Variants in GALNT10 observed in about 807,000 individuals in gnomAD.
The protein encoded by GALNT10 is GalNAc transferase 10.
Under a neutral mutation model 75.0 loss-of-function variants are expected in GALNT10, and 41 were observed. The observed-to-expected ratio is 0.55, with a 90% confidence interval of 0.43 to 0.71. The LOEUF (loss-of-function observed/expected upper bound fraction) is 0.71. GALNT10 is among the 30% of genes least tolerant of loss of function. The pLI, the probability that GALNT10 is intolerant of heterozygous loss-of-function variation, is 0.00. For synonymous variants in GALNT10, 302 were observed against 313.0 expected (o/e 0.96, Z 0.37); for missense variants, 727 against 818.5 (o/e 0.89, Z 1.36).
In GALNT10 at chr5:154,418,127, G is replaced by A. The variant is rs1756552927; in HGVS notation, c.*1155G>A. 1 of 152,274 alleles carries A rather than the reference G, an allele frequency of 6.6e-6. No individual in the cohort carries two copies. The highest frequency in any genetic ancestry group is 2.1e-4 in the South Asian group (1 of 4,838). 9.4% of individuals were successfully genotyped at this position (152,274 alleles called of 1,614,324 possible). A position where few individuals can be genotyped will look rare whatever the true frequency, so the allele number is the denominator to read the frequency against. On this transcript the variant is annotated 3_prime_UTR_variant, in exon 12 of 12. Coordinates refer to ENST00000297107, the MANE Select transcript of GALNT10 (RefSeq NM_198321.4). ...AAAGGAGCCAGCCAGGTGTAATACA[G>A]TCAAGGCAGCCCCCAGCCTAGAGAC...
At chr5:154,321,286 G>A (rs897415932) in intron 3 of GALNT10, among the ~76,000 whole-genome samples, 1 of 150,602 alleles carries the variant, frequency 6.6e-6, no homozygotes, top group South Asian at 2.1e-4. Flanking sequence ...ATTGCCCTGA[G>A]ATGTCACAAG....
At chr5:154,255,372 G>A (rs2034580) in intron 1 of GALNT10, among the ~76,000 whole-genome samples, 99,038 of 151,920 alleles carry the variant, frequency 0.65, 32,671 homozygotes, top group East Asian at 0.86. Flanking sequence ...TTGCAGTGCC[G>A]GGTATAATGA....
chr5:154,383,001 G>C lies in GALNT10; in HGVS notation c.938+2370G>C, dbSNP rs11949818. Among the ~76,000 whole-genome samples the C allele has an allele frequency of 4.8e-3, 727 of 152,274 alleles. 9 individuals carry two copies. The highest frequency in any genetic ancestry group is 0.017 in the African/African-American group (692 of 41,556). On this transcript the variant is annotated intron_variant, in intron 6 of 11. Transcript: ENST00000297107. Reference sequence around the variant, plus strand: ...CTGGGGAGCTTGTAAAAACACAAAGGCTTCCCTCAAGAGCAGTTACACTGG... The same window carrying C: ...CTGGGGAGCTTGTAAAAACACAAAGCCTTCCCTCAAGAGCAGTTACACTGG...
chr5:154,291,008 C>A (rs190648860), intron 1 of GALNT10, among the ~76,000 whole-genome samples: 1 of 152,130 alleles, frequency 6.6e-6, no homozygotes, highest in African/African-American at 2.4e-5. Flanking sequence ...ACCAATGAGA[C>A]CTAAAACAGC....
chr5:154,303,114 C>CA (rs151103593), intron 3 of GALNT10, among the ~76,000 whole-genome samples: 2,356 of 149,888 alleles, frequency 0.016, 45 homozygotes, highest in African/African-American at 0.053. Context: ...ACCCCCCACC[C>CA]AAAAAAAAAG....
rs1336086876 is a variant in GALNT10 at position 154,359,575 on chromosome 5, C to A, written c.569-16702C>A. On this transcript the variant is annotated intron_variant, in intron 4 of 11. Transcript: ENST00000297107. Reference sequence around the variant, plus strand: ...AAAGAGAGAGAGAGAAAAGAAAAAACACTTCCTTTTTAAAAACTTGTAAAT... The same window carrying A: ...AAAGAGAGAGAGAGAAAAGAAAAAAAACTTCCTTTTTAAAAACTTGTAAAT... Among the ~76,000 whole-genome samples, 3 of 148,172 alleles carry A rather than the reference C, an allele frequency of 2.0e-5. No individual in the cohort carries two copies. In the South Asian group the frequency reaches 6.5e-4, roughly 32 times the overall value.
At chr5:154,319,497 G>C (rs946865278) in intron 3 of GALNT10, among the ~76,000 whole-genome samples, 3 of 152,142 alleles carry the variant, frequency 2.0e-5, no homozygotes, top group Admixed American at 2.0e-4. Context: ...ACCCCTCTGA[G>C]CTCCATTTTC....
intron 6 of GALNT10, among the ~76,000 whole-genome samples, chr5:154,385,210 C>T (rs1251325845): frequency 6.6e-6 from 1 of 152,210 alleles, no homozygotes; most frequent in Admixed American, 6.5e-5. Context: ...GATGCAGCCA[C>T]TCTGATAGCT....
chr5:154,253,967 G>T (rs1394051345), intron 1 of GALNT10, among the ~76,000 whole-genome samples: 2 of 152,056 alleles, frequency 1.3e-5, no homozygotes, highest in Non-Finnish European at 2.9e-5. Flanking sequence ...TGCTCACTGT[G>T]GACCTTCTAC....
intron 4 of GALNT10, among the ~76,000 whole-genome samples, chr5:154,346,090 AT>A (rs1367870768): frequency 6.6e-6 from 1 of 150,474 alleles, no homozygotes; most frequent in Non-Finnish European, 1.5e-5. Flanking sequence ...ATGAGCCACC[AT>A]GCCTGGCTAT....
At chr5:154,377,794 T>C (rs1321183478) in intron 5 of GALNT10, among the ~76,000 whole-genome samples, 1 of 151,904 alleles carries the variant, frequency 6.6e-6, no homozygotes, top group Non-Finnish European at 1.5e-5. Flanking sequence ...GAATTTCTGG[T>C]AAACTGTTTA....
intron 3 of GALNT10, among the ~76,000 whole-genome samples, chr5:154,299,516 A>G (rs1754330209): frequency 6.6e-6 from 1 of 152,246 alleles, no homozygotes; most frequent in Non-Finnish European, 1.5e-5. Context: ...GGTTTTAATC[A>G]CTGAACCATA....
chr5:154,265,714 T>C (rs772914779), intron 1 of GALNT10, among the ~76,000 whole-genome samples: 3 of 152,258 alleles, frequency 2.0e-5, no homozygotes, highest in South Asian at 4.1e-4. Flanking sequence ...TCTTCAAAGA[T>C]CACTTTGCAT....
At chr5:154,200,279 G>A (rs565287215) in intron 1 of GALNT10, among the ~76,000 whole-genome samples, 6 of 152,312 alleles carry the variant, frequency 3.9e-5, no homozygotes, top group South Asian at 2.1e-4. Flanking sequence ...AGCCTCTCAC[G>A]AGCCCAGTTC....
chr5:154,296,810 T>C (rs1035381213), intron 2 of GALNT10, among the ~76,000 whole-genome samples: 2 of 152,162 alleles, frequency 1.3e-5, no homozygotes, highest in Non-Finnish European at 2.9e-5. Flanking sequence ...TCCTGCTTAC[T>C]GTGTTTGGGT....
intron 4 of GALNT10, among the ~76,000 whole-genome samples, chr5:154,364,989 T>C (rs1755453895): frequency 6.6e-6 from 1 of 152,232 alleles, no homozygotes; most frequent in Admixed American, 6.5e-5. Flanking sequence ...AGTGTTTTTA[T>C]TCGTCGTCTG....
Position 154,412,616 on chromosome 5 carries a change from T to A in GALNT10, c.1387-273T>A, listed in dbSNP as rs1756421218. On this transcript the variant is annotated intron_variant, in intron 9 of 11. Coordinates refer to ENST00000297107, the MANE Select transcript of GALNT10 (RefSeq NM_198321.4). The surrounding 1 kb of genome is among the most constrained non-coding windows in gnomAD (Gnocchi z 4.2). The stretch of plus-strand genomic sequence containing the variant: ...TAGGGCCAGGGAGTCCTTTACCAAC[T>A]CCTCACCTCCACTCCCCCACCACCA... 2.8e-6 allele frequency: 1 copy of A among 354,832 alleles called. No homozygotes were observed. 22.0% of individuals were successfully genotyped at this position (354,832 alleles called of 1,614,324 possible).
At chr5:154,193,564 A>G (rs940891103) in intron 1 of GALNT10, among the ~76,000 whole-genome samples, 2 of 152,246 alleles carry the variant, frequency 1.3e-5, no homozygotes, top group Non-Finnish European at 2.9e-5. Flanking sequence ...TCAGCCTGTC[A>G]TTCTTGTAAT....
intron 3 of GALNT10, among the ~76,000 whole-genome samples, chr5:154,310,245 T>C (rs1198969963): frequency 1.3e-5 from 2 of 152,168 alleles, no homozygotes; most frequent in African/African-American, 4.8e-5. Flanking sequence ...CCTGACACCT[T>C]TATAATGGAG....
Sources: gnomAD v4.1 joint callset for allele counts (sites outside exome capture counted in the v4.1 genomes callset) on GRCh38, gnomAD v4.1.1 for gene constraint, Gnocchi (gnomAD v3.1) non-coding constraint, MANE v1.5 for transcripts, NCBI Gene and HGNC (gene_info 2026-07-23, HGNC 2026-07-21) for gene names.